Variants in LEMD3 observed in about 807,000 individuals in gnomAD.
LEMD3 encodes LEM domain containing 3.
A neutral mutation model predicts 95.2 loss-of-function variants in LEMD3; 33 were observed. That is an observed-to-expected ratio of 0.35 (90% CI 0.26 to 0.46). The LOEUF (loss-of-function observed/expected upper bound fraction) is 0.46, where lower values mean the gene tolerates loss of function less well. Among genes scored for constraint, LEMD3 ranks in the 20% least tolerant of loss-of-function variants. The pLI is 1.00. For missense variants in LEMD3, 1,210 were observed against 1,192.8 expected, an observed-to-expected ratio of 1.01 and a Z score of -0.21; for synonymous variants, 525 against 474.6, an observed-to-expected ratio of 1.11 and a Z score of -1.38.
At position 65,243,372 on chromosome 12, in the gene LEMD3, A is replaced by G; in HGVS notation, c.2306-16A>G. 2 of 1,451,170 alleles carry G rather than the reference A, an allele frequency of 1.4e-6. No individual in the cohort carries two copies. Among genetic ancestry groups the G allele is most frequent in the Non-Finnish European group, 1.9e-6 (2 of 1,031,576 alleles). The allele number at this position is 1,451,170 out of a possible 1,614,324, so 89.9% of individuals were successfully genotyped here. A position where few individuals can be genotyped will look rare whatever the true frequency, so the allele number is the denominator to read the frequency against. Reference sequence around the variant, plus strand: ...TAGAACAATGTCAAATAGTAAAACTAACTTGTTTTTTGTAGCATTTCATTT... The same window carrying G: ...TAGAACAATGTCAAATAGTAAAACTGACTTGTTTTTTGTAGCATTTCATTT... On this transcript the variant is annotated splice_polypyrimidine_tract_variant and intron_variant, in intron 9 of 12. Coordinates refer to ENST00000308330, the MANE Select transcript of LEMD3 (RefSeq NM_014319.5).
chr12:65,246,427 T>C lies in LEMD3; in HGVS notation c.*102T>C, dbSNP rs1871109222. ...ATGCTTTTTGTATGTAATATTTTTATTGATGAATACATCTCTGAACGTTCC... is the reference window on the plus strand; with the variant it reads ...ATGCTTTTTGTATGTAATATTTTTACTGATGAATACATCTCTGAACGTTCC... On this transcript the variant is annotated 3_prime_UTR_variant, in exon 13 of 13. Coordinates refer to ENST00000308330, the MANE Select transcript of LEMD3 (RefSeq NM_014319.5). The C allele has an allele frequency of 2.2e-6, 2 of 926,052 alleles. No individual in the cohort carries two copies. Among genetic ancestry groups the C allele is most frequent in the Admixed American group, 1.8e-5 (1 of 56,080 alleles). 57.4% of individuals were successfully genotyped at this position (926,052 alleles called of 1,614,324 possible). A position where few individuals can be genotyped will look rare whatever the true frequency, so the allele number is the denominator to read the frequency against.
intron 1 of LEMD3, among the ~76,000 whole-genome samples, chr12:65,190,826 G>A (rs1869217525): frequency 6.6e-6 from 1 of 152,092 alleles, no homozygotes; most frequent in African/African-American, 2.4e-5. Context: ...AGAAATACTT[G>A]GTTACGGTTT....
chr12:65,170,155 T>A lies in LEMD3; in HGVS notation c.559T>A (p.Ser187Thr). 1 of 1,482,916 alleles carries A rather than the reference T, an allele frequency of 6.7e-7. No homozygotes were observed. Among genetic ancestry groups the A allele is most frequent in the Non-Finnish European group, 8.9e-7 (1 of 1,121,478 alleles). The allele number at this position is 1,482,916 out of a possible 1,614,324, so 91.9% of individuals were successfully genotyped here. A position where few individuals can be genotyped will look rare whatever the true frequency, so the allele number is the denominator to read the frequency against. The change falls in exon 1 of 13, where the codon TCT (serine) becomes ACT (threonine). Residue 187 changes from serine to threonine, a missense_variant. Ser to Thr is a moderately conservative substitution (Grantham distance 58, BLOSUM62 1). This residue lies in a region of LEMD3 where 749 missense variants were observed against 622.9 expected (regional missense o/e 1.20). Transcript: ENST00000308330. ...LAASEVTNSN[S>T]AERRKPHSWW... is the part of the protein sequence containing the mutation. ...CGCCAGCGAGGTGACTAACAGCAAC[T>A]CTGCAGAGCGAAGGAAGCCCCACTC... is the stretch of plus-strand genomic sequence containing the variant.
chr12:65,188,416 C>A (rs996517604), intron 1 of LEMD3, among the ~76,000 whole-genome samples: 4 of 152,058 alleles, frequency 2.6e-5, no homozygotes, highest in Non-Finnish European at 5.9e-5. Context: ...CCAGAGAACT[C>A]CTCTCCAAAG....
At chr12:65,173,297 T>A (rs544315135) in intron 1 of LEMD3, among the ~76,000 whole-genome samples, 1 of 152,330 alleles carries the variant, frequency 6.6e-6, no homozygotes, top group South Asian at 2.1e-4. Context: ...CTCATCAGTG[T>A]TAAGATGAAT....
At chr12:65,195,275 C>A (rs74101721) in intron 1 of LEMD3, among the ~76,000 whole-genome samples, 5,695 of 151,678 alleles carry the variant, frequency 0.038, 348 homozygotes, top group African/African-American at 0.13. Flanking sequence ...ATCCGGATGT[C>A]GAAAAATATC....
chr12:65,180,414 A>G (rs1038048551), intron 1 of LEMD3, among the ~76,000 whole-genome samples: 1 of 150,206 alleles, frequency 6.7e-6, no homozygotes, highest in Non-Finnish European at 1.5e-5. Flanking sequence ...TTTTTAAACA[A>G]GAGTTTACCA....
At chr12:65,174,583 A>G (rs375255053) in intron 1 of LEMD3, among the ~76,000 whole-genome samples, 1 of 152,108 alleles carries the variant, frequency 6.6e-6, no homozygotes, top group Non-Finnish European at 1.5e-5. Flanking sequence ...CCCCCATATA[A>G]ATAAGTTCAA....
intron 1 of LEMD3, among the ~76,000 whole-genome samples, chr12:65,173,611 G>A (rs768283006): frequency 6.6e-6 from 1 of 152,134 alleles, no homozygotes; most frequent in Non-Finnish European, 1.5e-5. Context: ...GAGACAGTGT[G>A]TTAAACATAA....
rs1868496007 is a variant in LEMD3 at position 65,170,464 on chromosome 12, C to T, written c.868C>T (p.His290Tyr). The T allele has an allele frequency of 6.2e-7, 1 of 1,613,474 alleles. No individual in the cohort carries two copies. The highest frequency in any genetic ancestry group is 1.1e-5 in the South Asian group (1 of 91,060). The change falls in exon 1 of 13, where the codon CAT becomes TAT. Residue 290 changes from histidine (H) to tyrosine (Y), a missense_variant. His to Tyr is a moderately conservative substitution (Grantham distance 83). Coordinates refer to ENST00000308330, the MANE Select transcript of LEMD3 (RefSeq NM_014319.5). Reference sequence around the variant, plus strand: ...TTCCCGGCATCGGCCCAGACGAACCCATAGTAAGCCTCTCCCCCCGCTGAC... The same window carrying T: ...TTCCCGGCATCGGCCCAGACGAACCTATAGTAAGCCTCTCCCCCCGCTGAC... The part of the protein sequence containing the change: ...SLSRHRPRRT[H>Y]SKPLPPLTAK...
intron 1 of LEMD3, among the ~76,000 whole-genome samples, chr12:65,180,895 A>C (rs550626734): frequency 1.3e-5 from 2 of 152,138 alleles, no homozygotes; most frequent in African/African-American, 4.8e-5. Context: ...ACATGAATAG[A>C]AAAAACCCTT....
At chr12:65,180,270 A>AGT (rs1422588308) in intron 1 of LEMD3, among the ~76,000 whole-genome samples, 1 of 151,860 alleles carries the variant, frequency 6.6e-6, no homozygotes, top group Non-Finnish European at 1.5e-5. Context: ...AAAGTGAACC[A>AGT]GTAACAGTAT....
At chr12:65,239,230 T>C (rs2136354222) in intron 6 of LEMD3, among the ~76,000 whole-genome samples, 1 of 152,224 alleles carries the variant, frequency 6.6e-6, no homozygotes, top group East Asian at 1.9e-4. Flanking sequence ...TAGGTGAGAG[T>C]TGTTTTTTCA....
rs1319033983 is a variant in LEMD3 at position 65,248,089 on chromosome 12, A to G, written c.*1764A>G. On this transcript the variant is annotated 3_prime_UTR_variant, in exon 13 of 13. Coordinates refer to ENST00000308330, the MANE Select transcript of LEMD3 (RefSeq NM_014319.5). ...AAAAGGTCGCCTTTGATGCAGATGCATCTTTTTCTTGCTTCTAAAACATAT... is the reference window on the plus strand; with the variant it reads ...AAAAGGTCGCCTTTGATGCAGATGCGTCTTTTTCTTGCTTCTAAAACATAT... 6.6e-6 allele frequency: 1 copy of G among 152,556 alleles called. No individual in the cohort carries two copies. Among genetic ancestry groups the G allele is most frequent in the Non-Finnish European group, 1.5e-5 (1 of 67,988 alleles). The allele number at this position is 152,556 out of a possible 1,614,324, so 9.5% of individuals were successfully genotyped here.
At chr12:65,246,032 C>A in intron 12 of LEMD3, 93 bp downstream of exon 12, 1 of 1,282,500 alleles carries the variant, frequency 7.8e-7, no homozygotes, top group Non-Finnish European at 1.1e-6. Flanking sequence ...TTTAGGTTAG[C>A]ATTTTTTTGA....
intron 1 of LEMD3, among the ~76,000 whole-genome samples, chr12:65,190,512 A>T (rs1293231814): frequency 6.6e-6 from 1 of 152,152 alleles, no homozygotes; most frequent in Non-Finnish European, 1.5e-5. Context: ...TATACATCAT[A>T]ACTCTTTCAA....
intron 1 of LEMD3, among the ~76,000 whole-genome samples, chr12:65,200,036 G>A (rs1869548259): frequency 6.6e-6 from 1 of 150,930 alleles, no homozygotes; most frequent in African/African-American, 2.4e-5. Flanking sequence ...GGTTGGGGGT[G>A]CAACCCCTGC....
Position 65,170,424 on chromosome 12 carries a change from A to G in LEMD3, c.828A>G (p.Leu276=). The change falls in exon 1 of 13, where the codon TTA becomes TTG. Residue 276 remains leucine (L), a synonymous_variant. Transcript: ENST00000308330. ...ACGTGGCCTCCAGCAGACAGGTATT[A>G]AAGGACGACTCCCTTTCCCGGCATC... ...DDDVASSRQV[L]KDDSLSRHRP... The G allele has an allele frequency of 6.2e-7, 1 of 1,613,924 alleles. No homozygotes were observed. The highest frequency in any genetic ancestry group is 8.5e-7 in the Non-Finnish European group (1 of 1,179,990).
rs180693560 is a variant in LEMD3 at position 65,240,997 on chromosome 12, G to A, written c.2215G>A (p.Gly739Ser). Residue 739 changes from glycine (G) to serine (S), a missense_variant, in exon 9 of 13, where the codon GGT becomes AGT. By Grantham distance (56) the Gly-to-Ser change is moderately conservative. Around this residue, in one of 2 missense-constraint regions of LEMD3, gnomAD observed 461 missense variants for 569.8 expected, o/e 0.81. Transcript: ENST00000308330. Reference protein sequence around the residue: ...RVRTETRRIGGADFLVWRWIQ... With the variant: ...RVRTETRRIGSADFLVWRWIQ... ...TCGCACGGAAACACGAAGAATAGGT[G>A]GTGCAGATTTTCTGGTTTGGCGGTG... The A allele has an allele frequency of 3.1e-6, 5 of 1,614,004 alleles. No individual in the cohort carries two copies. In the East Asian group the frequency reaches 8.9e-5, roughly 29 times the overall value.
Sources: allele counts gnomAD v4.1 joint callset (sites outside exome capture counted in the v4.1 genomes callset), GRCh38; gene constraint gnomAD v4.1.1; regional missense constraint gnomAD v4.1.1; transcripts MANE v1.5; gene names NCBI Gene and HGNC (gene_info 2026-07-23, HGNC 2026-07-21).